Variants in SLITRK3 observed in about 807,000 individuals in gnomAD.
SLITRK3 encodes SLIT and NTRK-like protein 3.
Under a neutral mutation model 63.6 loss-of-function variants are expected in SLITRK3, and 16 were observed. That is an observed-to-expected ratio of 0.25 (90% CI 0.17 to 0.38). The LOEUF is 0.38. Ranked by LOEUF, SLITRK3 falls within the 10% of genes least tolerant of loss-of-function variation. SLITRK3 has a pLI of 1.00. For synonymous variants in SLITRK3, 547 were observed against 451.6 expected (o/e 1.21, Z -2.68); for missense variants, 1,117 against 1,181.4 (o/e 0.95, Z 0.80).
Position 165,189,768 on chromosome 3 carries a change from G to C in SLITRK3, c.1063C>G (p.Pro355Ala), listed in dbSNP as rs573254266. Residue 355 changes from proline to alanine, a missense_variant, in exon 2 of 2, where the codon CCA (proline) becomes GCA (alanine). This residue lies in a region of SLITRK3 where 452 missense variants were observed against 495.3 expected (regional missense o/e 0.91). Transcript: ENST00000475390. This position sits in a 1 kb window ranked among gnomAD's most constrained non-coding sequence, Gnocchi z 4.0. ...PSTSQALYPG[P>A]NQPPIAPYQT... is the part of the protein sequence containing the mutation. ...TAAGGAGCAATGGGAGGCTGGTTTG[G>C]ACCAGGATATAAAGCTTGGGAGGTG... 1 of 1,614,174 alleles carries C rather than the reference G, an allele frequency of 6.2e-7. No individual in the cohort carries two copies. Among genetic ancestry groups the C allele is most frequent in the African/African-American group, 1.3e-5 (1 of 75,054 alleles).
At chr3:165,194,842 T>C (rs934254397) in intron 1 of SLITRK3, among the ~76,000 whole-genome samples, 8 of 152,164 alleles carry the variant, frequency 5.3e-5, no homozygotes, top group African/African-American at 1.9e-4. Context: ...AAAGGCTATC[T>C]CACCTTTTTC....
Position 165,190,662 on chromosome 3 carries a change from A to G in SLITRK3, c.169T>C (p.Phe57Leu), listed in dbSNP as rs1461240535. The G allele has an allele frequency of 1.2e-6, 2 of 1,614,134 alleles. No individual in the cohort carries two copies. The highest frequency in any genetic ancestry group is 1.7e-6 in the Non-Finnish European group (2 of 1,179,998). ...PCYCEVKESL[F>L]HIHCDSKGFT... ...CCTTTACTGTCACAATGTATATGAA[A>G]GAGGCTTTCTTTAACTTCACAGTAG... The change falls in exon 2 of 2, where the codon TTT becomes CTT. Residue 57 changes from phenylalanine to leucine, a missense_variant. Around this residue, in one of 4 missense-constraint regions of SLITRK3, gnomAD observed 452 missense variants for 495.3 expected, o/e 0.91. Coordinates refer to ENST00000475390, the MANE Select transcript of SLITRK3 (RefSeq NM_001318810.2).
At position 165,187,252 on chromosome 3, in the gene SLITRK3, G is replaced by T. The variant is rs539755729; in HGVS notation, c.*645C>A. On this transcript the variant is annotated 3_prime_UTR_variant, in exon 2 of 2. Transcript: ENST00000475390. ...TGTGTGTGTGTGTGTGTGTGTGTGT[G>T]TACCTGCACCAGCAGGAAGAAACTG... is the stretch of plus-strand genomic sequence containing the variant. The T allele has an allele frequency of 6.7e-5, 10 of 148,216 alleles. No individual in the cohort carries two copies. Among genetic ancestry groups the T allele is most frequent in the South Asian group, 2.2e-4 (1 of 4,590 alleles). The allele number at this position is 148,216 out of a possible 1,614,324, so 9.2% of individuals were successfully genotyped here.
chr3:165,189,810 T>C lies in SLITRK3; in HGVS notation c.1021A>G (p.Thr341Ala). Residue 341 changes from threonine to alanine, a missense_variant, in exon 2 of 2, where the codon ACA (threonine) becomes GCA (alanine). By Grantham distance (58) the Thr-to-Ala change is moderately conservative. Around this residue, in one of 4 missense-constraint regions of SLITRK3, gnomAD observed 452 missense variants for 495.3 expected, o/e 0.91. Transcript: ENST00000475390. The surrounding 1 kb of genome is among the most constrained non-coding windows in gnomAD (Gnocchi z 4.0). ...KQPKPTKQPRTPRPPSTSQAL... is the reference protein window; with the variant it reads ...KQPKPTKQPRAPRPPSTSQAL... ...TGGGAGGTGGAGGGTGGCCTTGGTG[T>C]TCGAGGCTGTTTGGTGGGCTTAGGC... 6.2e-7 allele frequency: 1 copy of C among 1,614,100 alleles called. No homozygotes were observed. Among genetic ancestry groups the C allele is most frequent in the East Asian group, 2.2e-5 (1 of 44,866 alleles).
In SLITRK3 at chr3:165,194,086, G is replaced by T. The variant is rs565643670; in HGVS notation, c.-22+1494C>A. On this transcript the variant is annotated intron_variant, in intron 1 of 1. Coordinates refer to ENST00000475390, the MANE Select transcript of SLITRK3 (RefSeq NM_001318810.2). ...CAAAGGAGTCTAATCAACAGGACCC[G>T]TGTGCTGTGGATGCTCCCCATCTGC... is the stretch of plus-strand genomic sequence containing the variant. Among the ~76,000 whole-genome samples the T allele has an allele frequency of 5.3e-4, 80 of 152,064 alleles. 1 individual carries two copies. Among genetic ancestry groups the T allele is most frequent in the Non-Finnish European group, 1.8e-4 (12 of 68,016 alleles).
At chr3:165,193,341 C>A (rs1718310026) in intron 1 of SLITRK3, among the ~76,000 whole-genome samples, 1 of 151,410 alleles carries the variant, frequency 6.6e-6, no homozygotes, top group Non-Finnish European at 1.5e-5. Flanking sequence ...AAACCATCCC[C>A]TGAATGATTT....
At chr3:165,193,608 T>C (rs893578594) in intron 1 of SLITRK3, among the ~76,000 whole-genome samples, 5 of 152,100 alleles carry the variant, frequency 3.3e-5, no homozygotes, top group African/African-American at 1.2e-4. Flanking sequence ...AGGAATTCTT[T>C]TGTTGTGCTG....
intron 1 of SLITRK3, among the ~76,000 whole-genome samples, chr3:165,192,277 G>C (rs1390988647): frequency 6.6e-6 from 1 of 152,084 alleles, no homozygotes. Flanking sequence ...AGAAAGCAAA[G>C]AGAAATCTGC....
chr3:165,189,354 G>A lies in SLITRK3; in HGVS notation c.1477C>T (p.Arg493Trp), dbSNP rs1718093778. ...CTGAAGGCTGCAGGCTGGATTTCCC[G>A]GATGACATTGAACTCAAAGTACAAG... ...HYLYFEFNVI[R>W]EIQPAAFSLM... The change falls in exon 2 of 2, where the codon CGG becomes TGG. Residue 493 changes from arginine (R) to tryptophan (W), a missense_variant. Arg to Trp is a moderately radical substitution (Grantham distance 101). Transcript: ENST00000475390. This position sits in a 1 kb window ranked among gnomAD's most constrained non-coding sequence, Gnocchi z 4.0. 1.2e-6 allele frequency: 2 copies of A among 1,614,138 alleles called. No individual in the cohort carries two copies. The highest frequency in any genetic ancestry group is 1.7e-6 in the Non-Finnish European group (2 of 1,180,030).
rs756708557 is a variant in SLITRK3 at position 165,188,797 on chromosome 3, C to T, written c.2034G>A (p.Val678=). Residue 678 remains valine (V), a synonymous_variant, in exon 2 of 2, where the codon GTG becomes GTA. Coordinates refer to ENST00000475390, the MANE Select transcript of SLITRK3 (RefSeq NM_001318810.2). ...VFVAAGLFAY[V]LRRRRKKLPF... Reference sequence around the variant, plus strand: ...GCAGCTTCTTTCGACGCCTTCGGAGCACGTAGGCAAAGAGGCCTGCAGCAA... The same window carrying T: ...GCAGCTTCTTTCGACGCCTTCGGAGTACGTAGGCAAAGAGGCCTGCAGCAA... 3.7e-6 allele frequency: 6 copies of T among 1,614,140 alleles called. No homozygotes were observed. Among genetic ancestry groups the T allele is most frequent in the South Asian group, 1.1e-5 (1 of 91,084 alleles).
chr3:165,190,726 C>T lies in SLITRK3; in HGVS notation c.105G>A (p.Glu35=), dbSNP rs1292642327. The part of the protein sequence containing the change: ...LGWTTPIPLI[E]DSEEIDEPCF... Reference sequence around the variant, plus strand: ...AGGGCTCATCTATTTCCTCTGAGTCCTCTATTAGGGGAATCGGGGTAGTCC... The same window carrying T: ...AGGGCTCATCTATTTCCTCTGAGTCTTCTATTAGGGGAATCGGGGTAGTCC... Residue 35 remains glutamate (E), a synonymous_variant, in exon 2 of 2, where the codon GAG becomes GAA. Transcript: ENST00000475390. 5 of 1,614,020 alleles carry T rather than the reference C, an allele frequency of 3.1e-6. No homozygotes were observed. The highest frequency in any genetic ancestry group is 4.2e-6 in the Non-Finnish European group (5 of 1,179,982).
chr3:165,188,735 G>A lies in SLITRK3; in HGVS notation c.2096C>T (p.Thr699Ile). 1 of 1,614,152 alleles carries A rather than the reference G, an allele frequency of 6.2e-7. No individual in the cohort carries two copies. Among genetic ancestry groups the A allele is most frequent in the Non-Finnish European group, 8.5e-7 (1 of 1,180,050 alleles). The change falls in exon 2 of 2, where the codon ACT (threonine) becomes ATT (isoleucine). Residue 699 changes from threonine (T) to isoleucine (I), a missense_variant. Thr to Ile is a moderately conservative substitution (Grantham distance 89). Around this residue, in one of 4 missense-constraint regions of SLITRK3, gnomAD observed 499 missense variants for 463.6 expected, o/e 1.08. Coordinates refer to ENST00000475390, the MANE Select transcript of SLITRK3 (RefSeq NM_001318810.2). ...RSKRQEGVDL[T>I]GIQMQCHRLF... is the part of the protein sequence containing the mutation. ...CCTGTGGCATTGCATTTGGATGCCA[G>A]TAAGGTCCACACCTTCCTGCCGCTT...
Position 165,189,258 on chromosome 3 carries a change from C to A in SLITRK3, c.1573G>T (p.Ala525Ser). The change falls in exon 2 of 2, where the codon GCT becomes TCT. Residue 525 changes from alanine to serine, a missense_variant. Physicochemically the swap from Ala to Ser is moderately conservative, Grantham distance 99. Coordinates refer to ENST00000475390, the MANE Select transcript of SLITRK3 (RefSeq NM_001318810.2). This position sits in a 1 kb window ranked among gnomAD's most constrained non-coding sequence, Gnocchi z 4.0. ...TTGAGCCGGGCCAGGGATGTGCCAGCAAAGGCGTCTGTTGGCAGAGTCCTC... is the reference window on the plus strand; with the variant it reads ...TTGAGCCGGGCCAGGGATGTGCCAGAAAAGGCGTCTGTTGGCAGAGTCCTC... ...LLRTLPTDAF[A>S]GTSLARLNLR... 6.2e-7 allele frequency: 1 copy of A among 1,614,164 alleles called. No individual in the cohort carries two copies. Among genetic ancestry groups the A allele is most frequent in the Non-Finnish European group, 8.5e-7 (1 of 1,180,024 alleles).
At chr3:165,196,630 A>C (rs1247676529), upstream of SLITRK3, 1 of 152,344 alleles carries the variant, frequency 6.6e-6, no homozygotes, top group Non-Finnish European at 1.5e-5. Flanking sequence ...GGTCGTGTAT[A>C]AGGAGTCAAT....
At chr3:165,192,764 G>A (rs962632121) in intron 1 of SLITRK3, among the ~76,000 whole-genome samples, 1 of 151,798 alleles carries the variant, frequency 6.6e-6, no homozygotes, top group African/African-American at 2.4e-5. Flanking sequence ...TCTTTAGGAT[G>A]CAGAACTGCC....
rs186127905 is a variant in SLITRK3, at chr3:165,192,349, G to T, written c.-21-1498C>A. ...AGTGAAAAAGAGGGAGAGAGAAAAG[G>T]CTACATTGCAGTATCAATTAGTCTT... On this transcript the variant is annotated intron_variant, in intron 1 of 1. Coordinates refer to ENST00000475390, the MANE Select transcript of SLITRK3 (RefSeq NM_001318810.2). Among the ~76,000 whole-genome samples the T allele has an allele frequency of 2.2e-4, 34 of 152,146 alleles. No individual in the cohort carries two copies. In the East Asian group the frequency reaches 3.9e-3, roughly 17 times the overall value.
chr3:165,194,511 C>T (rs1718349761), intron 1 of SLITRK3, among the ~76,000 whole-genome samples: 1 of 152,138 alleles, frequency 6.6e-6, no homozygotes, highest in South Asian at 2.1e-4. Flanking sequence ...TCCAGACTCA[C>T]CCTATTGCTC....
chr3:165,195,638 G>C lies in SLITRK3; in HGVS notation c.-80C>G, dbSNP rs1166723341. 1 of 152,526 alleles carries C rather than the reference G, an allele frequency of 6.6e-6. No individual in the cohort carries two copies. The highest frequency in any genetic ancestry group is 2.4e-5 in the African/African-American group (1 of 41,476). 9.4% of individuals were successfully genotyped at this position (152,526 alleles called of 1,614,324 possible). A position where few individuals can be genotyped will look rare whatever the true frequency, so the allele number is the denominator to read the frequency against. On this transcript the variant is annotated 5_prime_UTR_variant, in exon 1 of 2. Coordinates refer to ENST00000475390, the MANE Select transcript of SLITRK3 (RefSeq NM_001318810.2). ...TGCTGCGAGGGGCTACCCAGCAGGA[G>C]GGGCAAACTCTCTGCGAAGCTGAAT...
At position 165,188,036 on chromosome 3, in the gene SLITRK3, T is replaced by C. The variant is rs774593538; in HGVS notation, c.2795A>G (p.Lys932Arg). 3 of 1,613,910 alleles carry C rather than the reference T, an allele frequency of 1.9e-6. No individual in the cohort carries two copies. In the South Asian group the frequency reaches 3.3e-5, roughly 18 times the overall value. ...TCCAGCCGAGAAGAGAAGGGTTTCT[T>C]TGAGCCTGGCATCCTGCTGTAAGTC... ...YPDLQQDARL[K>R]ETLLFSAGKG... Residue 932 changes from lysine to arginine, a missense_variant, in exon 2 of 2, where the codon AAA becomes AGA. Around this residue, in one of 4 missense-constraint regions of SLITRK3, gnomAD observed 499 missense variants for 463.6 expected, o/e 1.08. Coordinates refer to ENST00000475390, the MANE Select transcript of SLITRK3 (RefSeq NM_001318810.2).
Sources: gnomAD v4.1 joint callset for allele counts (sites outside exome capture counted in the v4.1 genomes callset) on GRCh38, gnomAD v4.1.1 for gene constraint, gnomAD v4.1.1 regional missense constraint, Gnocchi (gnomAD v3.1) non-coding constraint, MANE v1.5 for transcripts, NCBI Gene and HGNC (gene_info 2026-07-23, HGNC 2026-07-21) for gene names.